Variants in PDE4D observed in about 807,000 individuals in gnomAD.
PDE4D encodes the protein phosphodiesterase 4D.
Under a neutral mutation model 87.4 loss-of-function variants are expected in PDE4D, and 24 were observed. The observed-to-expected ratio is 0.27, with a 90% confidence interval of 0.20 to 0.39. PDE4D has a LOEUF of 0.39. PDE4D is among the 10% of genes least tolerant of loss of function. The pLI, the probability that PDE4D is intolerant of heterozygous loss-of-function variation, is 1.00. For missense variants in PDE4D, 714 were observed against 1,041.0 expected (o/e 0.69, Z 4.32); for synonymous variants, 384 against 383.2 (o/e 1.00, Z -0.02).
intron 1 of PDE4D, among the ~76,000 whole-genome samples, chr5:59,256,792 T>C (rs919085848): frequency 1.3e-5 from 2 of 152,128 alleles, no homozygotes; most frequent in East Asian, 1.9e-4. Flanking sequence ...TTATTCATTA[T>C]GGTCAAAGAA....
chr5:59,421,658 A>G (rs1794498073), intron 1 of PDE4D, among the ~76,000 whole-genome samples: 1 of 152,138 alleles, frequency 6.6e-6, no homozygotes, highest in Non-Finnish European at 1.5e-5. Flanking sequence ...AATTTTGGCC[A>G]TGAGAACAAC....
chr5:60,118,898 G>T (rs1204338232), intron 2 of PDE4D, among the ~76,000 whole-genome samples: 1 of 152,034 alleles, frequency 6.6e-6, no homozygotes, highest in Non-Finnish European at 1.5e-5. Flanking sequence ...GTTTCCCCAA[G>T]AGATTCTGAT....
intron 1 of PDE4D, among the ~76,000 whole-genome samples, chr5:59,532,776 C>G (rs1040294395): frequency 6.6e-6 from 1 of 152,108 alleles, no homozygotes; most frequent in South Asian, 2.1e-4. Context: ...ATGGCAGTAG[C>G]CTTCTTTGGT....
At chr5:60,132,053 T>C (rs924821634) in intron 2 of PDE4D, among the ~76,000 whole-genome samples, 4 of 152,230 alleles carry the variant, frequency 2.6e-5, no homozygotes, top group African/African-American at 9.6e-5. Context: ...TTCCCCATTC[T>C]CTTTATTGTT....
At chr5:59,511,270 T>C (rs1190891389) in intron 1 of PDE4D, among the ~76,000 whole-genome samples, 2 of 151,976 alleles carry the variant, frequency 1.3e-5, no homozygotes, top group African/African-American at 4.8e-5. Flanking sequence ...GAATATTATG[T>C]AGTAATCAAA....
intron 1 of PDE4D, among the ~76,000 whole-genome samples, chr5:60,429,726 GT>G (rs750948162): frequency 1.3e-5 from 2 of 151,594 alleles, no homozygotes; most frequent in African/African-American, 4.8e-5. Context: ...ATGATCATGT[GT>G]TTTTTGTTTT....
intron 1 of PDE4D, among the ~76,000 whole-genome samples, chr5:59,677,977 GTGC>G (rs1748387516): frequency 6.6e-6 from 1 of 152,114 alleles, no homozygotes; most frequent in African/African-American, 2.4e-5. Context: ...GTATGTTCAA[GTGC>G]TATTAAGCAC....
At chr5:59,060,015 T>C (rs1244268377) in intron 5 of PDE4D, among the ~76,000 whole-genome samples, 1 of 152,152 alleles carries the variant, frequency 6.6e-6, no homozygotes, top group Non-Finnish European at 1.5e-5. Flanking sequence ...AACTAAGTTT[T>C]GGTGAATGAG....
chr5:60,259,242 G>A (rs1279515367), intron 1 of PDE4D, among the ~76,000 whole-genome samples: 1 of 151,956 alleles, frequency 6.6e-6, no homozygotes. Context: ...AACAGGTAAT[G>A]GAACAGCAAA....
chr5:60,383,940 A>G (rs1268284816), intron 1 of PDE4D, among the ~76,000 whole-genome samples: 1 of 152,232 alleles, frequency 6.6e-6, no homozygotes, highest in Non-Finnish European at 1.5e-5. Context: ...CAGGGATCTT[A>G]AAGAGTAAGT....
chr5:58,984,447 A>G (rs1458732253), intron 11 of PDE4D, among the ~76,000 whole-genome samples: 1 of 152,222 alleles, frequency 6.6e-6, no homozygotes, highest in African/African-American at 2.4e-5. Context: ...GGCTTGCAGT[A>G]CATTTTTGTT....
intron 5 of PDE4D, among the ~76,000 whole-genome samples, chr5:59,052,089 C>T (rs1473738598): frequency 6.6e-6 from 1 of 152,142 alleles, no homozygotes; most frequent in African/African-American, 2.4e-5. Flanking sequence ...ACCATAATAA[C>T]CTGCTGAGAA....
intron 1 of PDE4D, among the ~76,000 whole-genome samples, chr5:59,413,383 G>A (rs563338310): frequency 4.0e-5 from 6 of 150,012 alleles, no homozygotes; most frequent in East Asian, 4.0e-4. Flanking sequence ...GCGTGAACCC[G>A]GGAGGCAGAG....
At chr5:59,031,368 T>C (rs1176481546) in intron 6 of PDE4D, among the ~76,000 whole-genome samples, 1 of 32,388 alleles carries the variant, frequency 3.1e-5, no homozygotes, top group Admixed American at 3.5e-4. Context: ...ATGTGATATA[T>C]ATATATATAT....
intron 1 of PDE4D, among the ~76,000 whole-genome samples, chr5:59,812,849 G>T (rs1375894701): frequency 6.6e-6 from 1 of 152,182 alleles, no homozygotes; most frequent in African/African-American, 2.4e-5. Context: ...AGCTGTCTCT[G>T]CCAGTAATAT....
At chr5:59,835,652 A>G (rs192356718) in intron 1 of PDE4D, among the ~76,000 whole-genome samples, 2 of 152,204 alleles carry the variant, frequency 1.3e-5, no homozygotes, top group East Asian at 3.9e-4. Flanking sequence ...ATAATAATAA[A>G]TGTACTTGAA....
At chr5:59,989,373 T>C (rs544643281) in intron 2 of PDE4D, among the ~76,000 whole-genome samples, 24 of 152,124 alleles carry the variant, frequency 1.6e-4, no homozygotes, top group African/African-American at 5.5e-4. Context: ...TGGTCCATAG[T>C]TGACTAAAAT....
intron 1 of PDE4D, among the ~76,000 whole-genome samples, chr5:59,647,471 T>TA (rs1372906875): frequency 8.0e-5 from 6 of 75,098 alleles, no homozygotes; most frequent in African/African-American, 2.2e-4. Flanking sequence ...TTTTTTTTTT[T>TA]TAATTAAAAT....
chr5:59,162,284 T>C (rs193173410), intron 5 of PDE4D, among the ~76,000 whole-genome samples: 3 of 152,302 alleles, frequency 2.0e-5, no homozygotes, highest in East Asian at 1.9e-4. Flanking sequence ...CCTCTCCAAA[T>C]TGTAATATTT....
Sources: allele counts gnomAD v4.1 joint callset (sites outside exome capture counted in the v4.1 genomes callset), GRCh38; gene constraint gnomAD v4.1.1; transcripts MANE v1.5; gene names NCBI Gene and HGNC (gene_info 2026-07-23, HGNC 2026-07-21).